MPDZ: variants seen among roughly 807,000 people sequenced by gnomAD.
The protein encoded by MPDZ is multiple PDZ domain protein.
MPDZ carries 234 observed loss-of-function variants against 239.1 expected under a neutral mutation model. That is an observed-to-expected ratio of 0.98 (90% CI 0.88 to 1.09). MPDZ has a LOEUF of 1.09. Ranked by LOEUF, MPDZ falls within the 50% of genes least tolerant of loss-of-function variation. MPDZ has a pLI of 0.00. For synonymous variants in MPDZ, 1,048 were observed against 881.3 expected, an observed-to-expected ratio of 1.19 and a Z score of -3.35; for missense variants, 3,175 against 2,510.0, an observed-to-expected ratio of 1.26 and a Z score of -5.66.
chr9:13,119,836 CA>C lies in MPDZ; in HGVS notation c.5232-188del, dbSNP rs1367410600. On this transcript the variant is annotated intron_variant, in intron 38 of 46. Transcript: ENST00000319217. ...TTGATAAATAACAGCTTATGTCTTA[CA>C]GTGCTTCATAGATTAAAATGATCTC... is the stretch of plus-strand genomic sequence containing the variant. 7 of 630,516 alleles carry C rather than the reference CA, an allele frequency of 1.1e-5. No homozygotes were observed. In the Admixed American group the frequency reaches 1.6e-4, roughly 15 times the overall value. The allele number at this position is 630,516 out of a possible 1,614,324, so 39.1% of individuals were successfully genotyped here.
rs534933049 is a variant in MPDZ at position 13,222,204 on chromosome 9, T to C, written c.747+29A>G. ...CAAAAACAACTTGAAAAATACGTTC[T>C]GTTCCTTTTGAAAATTTTAGGTACT... On this transcript the variant is annotated intron_variant, in intron 6 of 46. Coordinates refer to ENST00000319217, the MANE Select transcript of MPDZ (RefSeq NM_001378778.1). The C allele has an allele frequency of 9.5e-6, 15 of 1,582,498 alleles. No homozygotes were observed. In the Admixed American group the frequency reaches 1.8e-4, roughly 19 times the overall value.
rs746081888 is a variant in MPDZ, at chr9:13,206,672, T to C, written c.1291-573A>G. ...GATTCTTCTGCCTCAGCCTCCCGAA[T>C]AGCTGGGACTACAGGTGCGTGCCAC... On this transcript the variant is annotated intron_variant, in intron 10 of 46. Transcript: ENST00000319217. Among the ~76,000 whole-genome samples the C allele has an allele frequency of 2.5e-4, 38 of 152,100 alleles. 1 individual carries two copies. The highest frequency in any genetic ancestry group is 8.4e-4 in the African/African-American group (35 of 41,500).
chr9:13,176,116 C>A lies in MPDZ; in HGVS notation c.2931+20G>T. ...TCCCTATCTCATCATAAAACACAAACCATATCTTTAAAATATTACCTTTCC... is the reference window on the plus strand; with the variant it reads ...TCCCTATCTCATCATAAAACACAAAACATATCTTTAAAATATTACCTTTCC... On this transcript the variant is annotated intron_variant, in intron 20 of 46. Coordinates refer to ENST00000319217, the MANE Select transcript of MPDZ (RefSeq NM_001378778.1). 6.4e-7 allele frequency: 1 copy of A among 1,553,886 alleles called. No homozygotes were observed. The highest frequency in any genetic ancestry group is 8.7e-7 in the Non-Finnish European group (1 of 1,148,232).
rs1952471842 is a variant in MPDZ at position 13,176,246 on chromosome 9, C to A, written c.2821G>T (p.Glu941Ter). 6.2e-7 allele frequency: 1 copy of A among 1,607,376 alleles called. No homozygotes were observed. Among genetic ancestry groups the A allele is most frequent in the Non-Finnish European group, 8.5e-7 (1 of 1,176,384 alleles). ...INDYTPANAI[E>*]QQYECENTIV... ...GTGTTTTCACATTCATATTGTTGTT[C>A]AATAGCATTTGCAGGTGTGTAGTCA... The change falls in exon 20 of 47, where the codon GAA becomes TAA. Residue 941 changes from glutamate (E) to a stop codon, truncating the protein, a stop_gained. Coordinates refer to ENST00000319217, the MANE Select transcript of MPDZ (RefSeq NM_001378778.1). LOFTEE classifies it high-confidence loss of function.
chr9:13,107,534 G>A (rs1384508776), intron 46 of MPDZ, among the ~76,000 whole-genome samples: 1 of 152,156 alleles, frequency 6.6e-6, no homozygotes, highest in East Asian at 1.9e-4. Context: ...CAGGACAAGG[G>A]CTTGGGGGAT....
At chr9:13,225,364 C>G (rs1251628737) in intron 3 of MPDZ, among the ~76,000 whole-genome samples, 1 of 151,558 alleles carries the variant, frequency 6.6e-6, no homozygotes, top group Non-Finnish European at 1.5e-5. Flanking sequence ...AAAAATAAAA[C>G]AGAAAACTCA....
intron 1 of MPDZ, among the ~76,000 whole-genome samples, chr9:13,273,290 C>T (rs1314991349): frequency 2.0e-5 from 3 of 152,088 alleles, no homozygotes; most frequent in African/African-American, 7.2e-5. Flanking sequence ...TTAAATATAT[C>T]GGAAAGGAGT....
chr9:13,185,010 G>A (rs929025724), intron 18 of MPDZ, among the ~76,000 whole-genome samples: 2 of 151,860 alleles, frequency 1.3e-5, no homozygotes, highest in East Asian at 1.9e-4. Flanking sequence ...TATTTCGTCG[G>A]GTACTTTAGA....
chr9:13,206,616 T>C (rs1957028797), intron 10 of MPDZ, among the ~76,000 whole-genome samples: 1 of 151,748 alleles, frequency 6.6e-6, no homozygotes, highest in African/African-American at 2.4e-5. Context: ...CGATCTCGGC[T>C]CATTGCAACC....
rs542043563 is a variant in MPDZ, at chr9:13,214,290, G to T, written c.1290+2484C>A. 2.0e-5 allele frequency among the ~76,000 whole-genome samples: 3 copies of T among 152,108 alleles called. No individual in the cohort carries two copies. The South Asian group carries it at 6.2e-4, about 32-fold the overall frequency. On this transcript the variant is annotated intron_variant, in intron 10 of 46. Transcript: ENST00000319217. ...ACTACAATACAGATGAAACTTGAAA[G>T]CATTATGCTAAGTGAAAGGAGTCAG...
At chr9:13,272,325 T>C (rs1048470210) in intron 1 of MPDZ, among the ~76,000 whole-genome samples, 3 of 152,128 alleles carry the variant, frequency 2.0e-5, no homozygotes, top group Admixed American at 6.5e-5. Flanking sequence ...CCCAGGGCTA[T>C]TTCTTCTCAT....
rs1462004727 is a variant in MPDZ at position 13,248,997 on chromosome 9, A to G, written c.17-1196T>C. On this transcript the variant is annotated intron_variant, in intron 2 of 46. Transcript: ENST00000319217. The stretch of plus-strand genomic sequence containing the variant: ...ATCTCAAAAAAAAAAAAAAAAAAAA[A>G]AAAAAAAAAAAATTGGAATCATCAC... Among the ~76,000 whole-genome samples the G allele has an allele frequency of 1.4e-5, 2 of 146,358 alleles. 1 individual carries two copies. Among genetic ancestry groups the G allele is most frequent in the Admixed American group, 1.4e-4 (2 of 14,560 alleles).
At chr9:13,237,631 T>A (rs368580368) in intron 3 of MPDZ, among the ~76,000 whole-genome samples, 1 of 151,618 alleles carries the variant, frequency 6.6e-6, no homozygotes, top group South Asian at 2.1e-4. Flanking sequence ...TAGACTTGAG[T>A]ATAGAAAAGA....
At chr9:13,275,965 C>A (rs1974088450) in intron 1 of MPDZ, among the ~76,000 whole-genome samples, 1 of 152,176 alleles carries the variant, frequency 6.6e-6, no homozygotes, top group Admixed American at 6.5e-5. Flanking sequence ...CATCTCAAGA[C>A]CAAAGCCTTT....
Position 13,188,963 on chromosome 9 carries a change from T to C in MPDZ, c.2185A>G (p.Ile729Val), listed in dbSNP as rs773128218. 1.9e-6 allele frequency: 3 copies of C among 1,613,298 alleles called. No homozygotes were observed. The highest frequency in any genetic ancestry group is 2.2e-5 in the East Asian group (1 of 44,786). ...DPIDPASTVIIIRSLVPGGIA... is the reference protein window; with the variant it reads ...DPIDPASTVIVIRSLVPGGIA... ...CCGCCAGGCACCAAAGAACGAATTA[T>C]AATCACAGTGCTTGCTGGATCAATT... Residue 729 changes from isoleucine (I) to valine (V), a missense_variant, in exon 17 of 47, where the codon ATA becomes GTA. Transcript: ENST00000319217.
intron 32 of MPDZ, among the ~76,000 whole-genome samples, chr9:13,130,226 C>T (rs1438909117): frequency 1.3e-5 from 2 of 152,054 alleles, no homozygotes; most frequent in Non-Finnish European, 2.9e-5. Context: ...GAGCTTTCTG[C>T]TTATATTCTA....
At chr9:13,205,152 A>G in intron 11 of MPDZ, 45 bp from the exon 12 acceptor site, 1 of 1,061,122 alleles carries the variant, frequency 9.4e-7, no homozygotes, top group Non-Finnish European at 1.3e-6. Context: ...TAGTATAATC[A>G]AGTACTTGAA....
chr9:13,237,619 T>C (rs1276063415), intron 3 of MPDZ, among the ~76,000 whole-genome samples: 2 of 151,958 alleles, frequency 1.3e-5, no homozygotes, highest in Non-Finnish European at 2.9e-5. Context: ...ACTATGATTA[T>C]ATAGACTTGA....
chr9:13,125,210 C>T lies in MPDZ; in HGVS notation c.4807+6G>A. On this transcript the variant is annotated splice_donor_region_variant and intron_variant, in intron 35 of 46. Coordinates refer to ENST00000319217, the MANE Select transcript of MPDZ (RefSeq NM_001378778.1). ...TGCAGGACTCTCATGAGTCCAGAGG[C>T]CTTACTTCGGATGGACTCCGGTTCT... 1 of 1,584,864 alleles carries T rather than the reference C, an allele frequency of 6.3e-7. No homozygotes were observed. Among genetic ancestry groups the T allele is most frequent in the African/African-American group, 1.3e-5 (1 of 74,266 alleles).
Sources: gnomAD v4.1 joint callset for allele counts (sites outside exome capture counted in the v4.1 genomes callset) on GRCh38, gnomAD v4.1.1 for gene constraint, MANE v1.5 for transcripts, NCBI Gene and HGNC (gene_info 2026-07-23, HGNC 2026-07-21) for gene names.